GRID2: variants seen among roughly 807,000 people sequenced by gnomAD.
GRID2 encodes glutamate receptor ionotropic, delta-2.
GRID2 carries 33 observed loss-of-function variants against 114.8 expected under a neutral mutation model. The ratio of observed to expected loss-of-function variants is 0.29; its 90% CI spans 0.22 to 0.38. GRID2 has a LOEUF of 0.38. Among genes scored for constraint, GRID2 ranks in the 10% least tolerant of loss-of-function variants. The pLI, the probability that GRID2 is intolerant of heterozygous loss-of-function variation, is 1.00. For synonymous variants in GRID2, 505 were observed against 449.9 expected (o/e 1.12, Z -1.55); for missense variants, 1,184 against 1,257.7 (o/e 0.94, Z 0.89).
chr4:93,215,154 T>C (rs990940023), intron 5 of GRID2, among the ~76,000 whole-genome samples: 5 of 152,060 alleles, frequency 3.3e-5, no homozygotes, highest in Admixed American at 6.6e-5. Flanking sequence ...TGATTTGTAG[T>C]TCATTATGAG....
intron 3 of GRID2, among the ~76,000 whole-genome samples, chr4:93,107,589 A>G (rs1732366115): frequency 2.0e-5 from 3 of 152,074 alleles, no homozygotes; most frequent in Admixed American, 2.0e-4. Flanking sequence ...CCCATGTTGG[A>G]GTGCAGTGAC....
rs137946037 is a variant in GRID2 at position 92,838,056 on chromosome 4, A to G, written c.245-246939A>G. ...AACTCATCTAGAAACAATTTGTTCT[A>G]TTACATTATCGAAAACAAATGCAAA... On this transcript the variant is annotated intron_variant, in intron 2 of 15. Transcript: ENST00000282020. 2.0e-3 allele frequency among the ~76,000 whole-genome samples: 302 copies of G among 152,224 alleles called. 2 individuals carry two copies. Among genetic ancestry groups the G allele is most frequent in the South Asian group, 0.013 (63 of 4,824 alleles).
intron 8 of GRID2, among the ~76,000 whole-genome samples, chr4:93,297,566 C>T (rs72874959): frequency 0.054 from 8,227 of 152,212 alleles, 746 homozygotes; most frequent in African/African-American, 0.19. Flanking sequence ...GATCCCTAAT[C>T]TGGGCTTTTT....
chr4:93,492,660 A>G (rs1227038698), intron 12 of GRID2, among the ~76,000 whole-genome samples: 1 of 151,890 alleles, frequency 6.6e-6, no homozygotes, highest in Non-Finnish European at 1.5e-5. Flanking sequence ...TATGTCTATA[A>G]TTGGTATCTA....
At chr4:93,019,441 T>C (rs571063240) in intron 2 of GRID2, among the ~76,000 whole-genome samples, 92 of 152,350 alleles carry the variant, frequency 6.0e-4, no homozygotes, top group African/African-American at 2.1e-3. Flanking sequence ...GTGACTCTTA[T>C]TTAACCAATT....
chr4:93,575,348 C>T (rs7676349), intron 13 of GRID2, among the ~76,000 whole-genome samples: 33,013 of 152,038 alleles, frequency 0.22, 3,859 homozygotes, highest in Middle Eastern at 0.32. Context: ...CATTGGTTCA[C>T]GTGTGTACTC....
chr4:93,409,454 C>A (rs1766881819), intron 9 of GRID2, among the ~76,000 whole-genome samples: 1 of 152,078 alleles, frequency 6.6e-6, no homozygotes, highest in South Asian at 2.1e-4. Context: ...TCACTTTAAT[C>A]TTTATGCTAA....
In GRID2 at chr4:92,432,342, C is replaced by T. The variant is rs62311047; in HGVS notation, c.88+127598C>T. ...TCCTTTCCTTCAGGGTAGGGAGTTCCAGCTGGCCCAGGGTGGGTCCAGAAA... is the reference window on the plus strand; with the variant it reads ...TCCTTTCCTTCAGGGTAGGGAGTTCTAGCTGGCCCAGGGTGGGTCCAGAAA... On this transcript the variant is annotated intron_variant, in intron 1 of 15. Coordinates refer to ENST00000282020, the MANE Select transcript of GRID2 (RefSeq NM_001510.4). Among the ~76,000 whole-genome samples the T allele has an allele frequency of 1.4e-3, 212 of 152,210 alleles. 1 individual carries two copies. The highest frequency in any genetic ancestry group is 2.5e-3 in the Non-Finnish European group (171 of 68,022).
chr4:92,818,653 T>A (rs1307231807), intron 2 of GRID2, among the ~76,000 whole-genome samples: 1 of 152,150 alleles, frequency 6.6e-6, no homozygotes, highest in African/African-American at 2.4e-5. Context: ...TATATTAACT[T>A]GATGAGTCGC....
chr4:92,910,648 G>A (rs953691272), intron 2 of GRID2, among the ~76,000 whole-genome samples: 7 of 152,148 alleles, frequency 4.6e-5, no homozygotes, highest in East Asian at 1.9e-4. Flanking sequence ...GAGTGTGGCT[G>A]CCATTTGGTA....
chr4:92,970,143 A>T (rs1255545788), intron 2 of GRID2, among the ~76,000 whole-genome samples: 1 of 151,942 alleles, frequency 6.6e-6, no homozygotes, highest in Non-Finnish European at 1.5e-5. Context: ...ACTAACAAAT[A>T]TTGTTGACAT....
At chr4:93,066,988 G>T (rs951142458) in intron 2 of GRID2, among the ~76,000 whole-genome samples, 10 of 151,964 alleles carry the variant, frequency 6.6e-5, no homozygotes, top group African/African-American at 2.2e-4. Context: ...ATGGTGTGAG[G>T]TTTCATTATG....
intron 1 of GRID2, among the ~76,000 whole-genome samples, chr4:92,452,319 ATT>A (rs374760682): frequency 7.1e-5 from 10 of 140,532 alleles, no homozygotes; most frequent in African/African-American, 7.8e-5. Flanking sequence ...ATCTGTTTAG[ATT>A]TTTTTTTTTT....
intron 8 of GRID2, among the ~76,000 whole-genome samples, chr4:93,313,464 A>T (rs1468529810): frequency 2.6e-5 from 4 of 152,200 alleles, no homozygotes; most frequent in Admixed American, 2.6e-4. Context: ...ATACTTACCT[A>T]GTGCCTTCTG....
chr4:92,345,324 T>A (rs1727710738), intron 1 of GRID2, among the ~76,000 whole-genome samples: 2 of 152,382 alleles, frequency 1.3e-5, no homozygotes, highest in African/African-American at 4.8e-5. Context: ...TTCCATAGTG[T>A]GTCTATACCA....
At chr4:93,712,389 A>C (rs903192007) in intron 14 of GRID2, among the ~76,000 whole-genome samples, 1 of 152,190 alleles carries the variant, frequency 6.6e-6, no homozygotes, top group Non-Finnish European at 1.5e-5. Flanking sequence ...TTTTTAATGT[A>C]CAGATTGTAT....
rs142016622 is a variant in GRID2, at chr4:92,779,729, G to A, written c.244+189443G>A. ...TTTTATAATGAGTTTTCCAATAAGCGCCACTAATAACATATAGTTATATTT... is the reference window on the plus strand; with the variant it reads ...TTTTATAATGAGTTTTCCAATAAGCACCACTAATAACATATAGTTATATTT... On this transcript the variant is annotated intron_variant, in intron 2 of 15. Coordinates refer to ENST00000282020, the MANE Select transcript of GRID2 (RefSeq NM_001510.4). Among the ~76,000 whole-genome samples the A allele has an allele frequency of 1.6e-3, 251 of 152,122 alleles. 1 individual carries two copies. The highest frequency in any genetic ancestry group is 0.01 in the Middle Eastern group (3 of 294).
chr4:92,821,542 C>T (rs1442539041), intron 2 of GRID2, among the ~76,000 whole-genome samples: 2 of 151,754 alleles, frequency 1.3e-5, no homozygotes, highest in Non-Finnish European at 2.9e-5. Flanking sequence ...TCAGTTAATA[C>T]CCTGGAGTTA....
chr4:92,917,702 G>T (rs1748928707), intron 2 of GRID2, among the ~76,000 whole-genome samples: 1 of 152,068 alleles, frequency 6.6e-6, no homozygotes, highest in Non-Finnish European at 1.5e-5. Flanking sequence ...CTGTACCATT[G>T]GTGTTTATCT....
Sources: allele counts gnomAD v4.1 joint callset (sites outside exome capture counted in the v4.1 genomes callset), GRCh38; gene constraint gnomAD v4.1.1; transcripts MANE v1.5; gene names NCBI Gene and HGNC (gene_info 2026-07-23, HGNC 2026-07-21).